DNER: variants seen among roughly 807,000 people sequenced by gnomAD.
The protein encoded by DNER is delta and Notch-like epidermal growth factor-related receptor.
Under a neutral mutation model 78.2 loss-of-function variants are expected in DNER, and 33 were observed. The observed-to-expected ratio is 0.42, with a 90% CI of 0.32 to 0.56. DNER has a LOEUF of 0.56. Ranked by LOEUF, DNER falls within the 20% of genes least tolerant of loss-of-function variation. DNER has a pLI of 0.11. For synonymous variants in DNER, 417 were observed against 384.8 expected, an observed-to-expected ratio of 1.08 and a Z score of -0.98; for missense variants, 918 against 975.3, an observed-to-expected ratio of 0.94 and a Z score of 0.78.
At chr2:229,587,695 A>C (rs1330586705) in intron 3 of DNER, among the ~76,000 whole-genome samples, 2 of 152,160 alleles carry the variant, frequency 1.3e-5, no homozygotes, top group African/African-American at 4.8e-5. Flanking sequence ...GCAACTGAAA[A>C]GGATGGGCAG....
chr2:229,479,876 T>C (rs2154211405), intron 6 of DNER, among the ~76,000 whole-genome samples: 1 of 152,280 alleles, frequency 6.6e-6, no homozygotes, highest in South Asian at 2.1e-4. Flanking sequence ...ATAGTACATT[T>C]ATGAAAAAGA....
In DNER at chr2:229,591,431, A is replaced by C; in HGVS notation, c.585+149T>G. 1 of 978,812 alleles carries C rather than the reference A, an allele frequency of 1.0e-6. No homozygotes were observed. Among genetic ancestry groups the C allele is most frequent in the Non-Finnish European group, 1.5e-6 (1 of 682,122 alleles). 60.6% of individuals were successfully genotyped at this position (978,812 alleles called of 1,614,324 possible). ...ACTTATAAAACCATCGTACACACAAATGCAGACAGGAATAAGTTTAGGGAG... is the reference window on the plus strand; with the variant it reads ...ACTTATAAAACCATCGTACACACAACTGCAGACAGGAATAAGTTTAGGGAG... On this transcript the variant is annotated intron_variant, in intron 2 of 12. Transcript: ENST00000341772. The surrounding 1 kb of genome is among the most constrained non-coding windows in gnomAD (Gnocchi z 4.6).
chr2:229,413,263 G>A (rs10207909), intron 9 of DNER, among the ~76,000 whole-genome samples: 60,209 of 147,968 alleles, frequency 0.41, 13,544 homozygotes, highest in Middle Eastern at 0.5. Flanking sequence ...ATTATAGTGG[G>A]TTTTTCAACA....
At chr2:229,686,423 G>C (rs1699483359) in intron 1 of DNER, among the ~76,000 whole-genome samples, 1 of 152,176 alleles carries the variant, frequency 6.6e-6, no homozygotes, top group South Asian at 2.1e-4. Context: ...AATGGTCCAG[G>C]AAAGACACAG....
At chr2:229,461,582 G>A (rs547824400) in intron 7 of DNER, among the ~76,000 whole-genome samples, 11 of 152,040 alleles carry the variant, frequency 7.2e-5, no homozygotes, top group African/African-American at 9.7e-5. Flanking sequence ...ATACTGCTAC[G>A]TAGAATGATG....
At chr2:229,471,206 G>A (rs879429304) in intron 7 of DNER, among the ~76,000 whole-genome samples, 1 of 152,034 alleles carries the variant, frequency 6.6e-6, no homozygotes, top group Admixed American at 6.5e-5. Context: ...AACATACCCA[G>A]TTTTTAAACA....
intron 8 of DNER, among the ~76,000 whole-genome samples, chr2:229,433,340 A>G (rs1007008714): frequency 6.6e-6 from 1 of 152,212 alleles, no homozygotes; most frequent in Non-Finnish European, 1.5e-5. Context: ...ATATAAATAA[A>G]CCAACAGTGA....
chr2:229,677,622 A>G (rs1699318402), intron 1 of DNER, among the ~76,000 whole-genome samples: 1 of 152,220 alleles, frequency 6.6e-6, no homozygotes. Flanking sequence ...AAGGGTGATT[A>G]CAATGAATTT....
At chr2:229,534,784 A>G (rs1012856145) in intron 5 of DNER, among the ~76,000 whole-genome samples, 2 of 152,238 alleles carry the variant, frequency 1.3e-5, no homozygotes, top group Non-Finnish European at 2.9e-5. Context: ...TTATTATGTT[A>G]ACAGGTGATG....
At chr2:229,387,573 AAAG>A (rs1692916491) in intron 11 of DNER, among the ~76,000 whole-genome samples, 1 of 151,774 alleles carries the variant, frequency 6.6e-6, no homozygotes, top group Non-Finnish European at 1.5e-5. Context: ...GAAAGAAAAG[AAAG>A]AAGGAAGGAA....
rs1559174272 is a variant in DNER, at chr2:229,586,018, C to T, written c.687G>A (p.Arg229=). The change falls in exon 4 of 13, where the codon CGG becomes CGA. Residue 229 remains arginine (R), a synonymous_variant. Transcript: ENST00000341772. ...EVPQNTSVKI[R]QDATASLILL... is the part of the protein sequence containing the mutation. ...AAATCAGTGAGGCAGTGGCATCTTG[C>T]CGAATCCTGGAAACAGGAATGATGT... 6.2e-7 allele frequency: 1 copy of T among 1,609,558 alleles called. No homozygotes were observed. The highest frequency in any genetic ancestry group is 1.3e-5 in the African/African-American group (1 of 74,712).
At chr2:229,377,051 G>T (rs1177334453) in intron 11 of DNER, among the ~76,000 whole-genome samples, 1 of 152,124 alleles carries the variant, frequency 6.6e-6, no homozygotes, top group Non-Finnish European at 1.5e-5. Flanking sequence ...GTTGTCTAGA[G>T]GTGGCTGTGC....
At position 229,714,552 on chromosome 2, in the gene DNER, A is replaced by C; in HGVS notation, c.-129T>G. 1.0e-6 allele frequency: 1 copy of C among 990,128 alleles called. No homozygotes were observed. Among genetic ancestry groups the C allele is most frequent in the African/African-American group, 1.8e-5 (1 of 56,272 alleles). The allele number at this position is 990,128 out of a possible 1,614,324, so 61.3% of individuals were successfully genotyped here. On this transcript the variant is annotated 5_prime_UTR_variant, in exon 1 of 13. Transcript: ENST00000341772. Reference sequence around the variant, plus strand: ...CTCCGCCGGGCCGGGCGCCTCCTGCAGCTGCGGGATCCGCGGTTCCCCGGG... The same window carrying C: ...CTCCGCCGGGCCGGGCGCCTCCTGCCGCTGCGGGATCCGCGGTTCCCCGGG...
chr2:229,586,678 C>T (rs1357934052), intron 3 of DNER: 3 of 985,450 alleles, frequency 3.0e-6, no homozygotes, highest in Non-Finnish European at 3.6e-6. Flanking sequence ...GCTACCCCAA[C>T]CCAGTTCTTT....
intron 11 of DNER, among the ~76,000 whole-genome samples, chr2:229,385,908 C>T (rs367730117): frequency 2.0e-4 from 30 of 151,924 alleles, no homozygotes; most frequent in African/African-American, 6.3e-4. Flanking sequence ...AAGTAATTTA[C>T]ACGTTCAATG....
intron 1 of DNER, among the ~76,000 whole-genome samples, chr2:229,600,347 G>GT (rs1418347177): frequency 6.6e-6 from 1 of 152,196 alleles, no homozygotes; most frequent in Non-Finnish European, 1.5e-5. Context: ...TGGCCCTTTA[G>GT]TTTCCCAGTC....
rs1697609487 is a variant in DNER at position 229,591,702 on chromosome 2, G to A, written c.463C>T (p.Pro155Ser). ...TCAGGCTCCTGAGTAGCAGGAACAG[G>A]CTGAAGCTGTCGGGGTGCCATGGAT... ...TESMAPRQLQ[P>S]VPATQEPDKI... The change falls in exon 2 of 13, where the codon CCT becomes TCT. Residue 155 changes from proline to serine, a missense_variant. Coordinates refer to ENST00000341772, the MANE Select transcript of DNER (RefSeq NM_139072.4). The surrounding 1 kb of genome is among the most constrained non-coding windows in gnomAD (Gnocchi z 4.6). 7 of 1,614,232 alleles carry A rather than the reference G, an allele frequency of 4.3e-6. No individual in the cohort carries two copies. The highest frequency in any genetic ancestry group is 5.9e-6 in the Non-Finnish European group (7 of 1,180,042).
At chr2:229,510,025 T>A (rs1159915427) in intron 6 of DNER, among the ~76,000 whole-genome samples, 2 of 152,076 alleles carry the variant, frequency 1.3e-5, no homozygotes, top group Non-Finnish European at 2.9e-5. Flanking sequence ...AACAGAGATC[T>A]GGGAGTAGTT....
intron 4 of DNER, among the ~76,000 whole-genome samples, chr2:229,549,215 A>G (rs1027680022): frequency 8.5e-5 from 13 of 152,346 alleles, no homozygotes; most frequent in Non-Finnish European, 1.3e-4. Context: ...GACCACCTAT[A>G]TAATATTTTA....
Sources: allele counts gnomAD v4.1 joint callset (sites outside exome capture counted in the v4.1 genomes callset), GRCh38; gene constraint gnomAD v4.1.1; non-coding constraint Gnocchi (gnomAD v3.1); transcripts MANE v1.5; gene names NCBI Gene and HGNC (gene_info 2026-07-23, HGNC 2026-07-21).